The following CDKAL1 variants were observed in gnomAD, a reference collection of about 807,000 sequenced individuals.
CDKAL1 encodes CDKAL1 threonylcarbamoyladenosine tRNA methylthiotransferase, also known as threonylcarbamoyladenosine tRNA methylthiotransferase.
In CDKAL1, 32 loss-of-function variants were observed where a neutral mutation model predicts 68.2. The ratio of observed to expected loss-of-function variants is 0.47; its 90% CI spans 0.35 to 0.63. The LOEUF (loss-of-function observed/expected upper bound fraction) is 0.63. Ranked by LOEUF, CDKAL1 falls within the 30% of genes least tolerant of loss-of-function variation. The pLI is 0.00. For synonymous variants in CDKAL1, 234 were observed against 244.3 expected (o/e 0.96, Z 0.39); for missense variants, 606 against 696.7 (o/e 0.87, Z 1.47).
At chr6:20,573,590 T>C (rs1406757834) in intron 4 of CDKAL1, among the ~76,000 whole-genome samples, 1 of 152,172 alleles carries the variant, frequency 6.6e-6, no homozygotes, top group Non-Finnish European at 1.5e-5. Context: ...TTCTTCTATA[T>C]TTGACAGAAT....
intron 5 of CDKAL1, among the ~76,000 whole-genome samples, chr6:20,692,804 A>C (rs1770927641): frequency 6.6e-6 from 1 of 151,996 alleles, no homozygotes; most frequent in Non-Finnish European, 1.5e-5. Flanking sequence ...CAATGTAGAG[A>C]AAATGAGCAT....
chr6:20,635,129 C>A lies in CDKAL1; in HGVS notation c.287-14164C>A, dbSNP rs544664066. Among the ~76,000 whole-genome samples the A allele has an allele frequency of 6.3e-4, 96 of 152,272 alleles. 2 individuals carry two copies. The highest frequency in any genetic ancestry group is 2.9e-3 in the South Asian group (14 of 4,822). On this transcript the variant is annotated intron_variant, in intron 4 of 15. Coordinates refer to ENST00000274695, the MANE Select transcript of CDKAL1 (RefSeq NM_017774.3). ...TGCTTATTAGGTCTCAAATCCAATT[C>A]TCTGACCCTCTCAGTCCTGTTTTGT... is the stretch of plus-strand genomic sequence containing the variant.
chr6:20,912,321 T>G lies in CDKAL1; in HGVS notation c.743-43098T>G, dbSNP rs560083788. 2.5e-3 allele frequency among the ~76,000 whole-genome samples: 375 copies of G among 152,278 alleles called. 4 individuals carry two copies. The highest frequency in any genetic ancestry group is 3.2e-3 in the Non-Finnish European group (219 of 68,024). On this transcript the variant is annotated intron_variant, in intron 9 of 15. Coordinates refer to ENST00000274695, the MANE Select transcript of CDKAL1 (RefSeq NM_017774.3). ...TGCTTGGGTGGGGAGGTAGCAGGCT[T>G]CCCTGGTCTGCATCCTGGGTTAAGG...
At chr6:20,701,066 G>C (rs1771332195) in intron 5 of CDKAL1, among the ~76,000 whole-genome samples, 1 of 151,946 alleles carries the variant, frequency 6.6e-6, no homozygotes, top group Non-Finnish European at 1.5e-5. Flanking sequence ...ACAAAATTTC[G>C]ATGAGATTTT....
chr6:20,827,733 A>C (rs1777558162), intron 8 of CDKAL1, among the ~76,000 whole-genome samples: 1 of 152,142 alleles, frequency 6.6e-6, no homozygotes, highest in East Asian at 1.9e-4. Flanking sequence ...AAGATAGGTG[A>C]TTTGTCAATG....
chr6:20,669,118 G>A (rs1462454022), intron 5 of CDKAL1, among the ~76,000 whole-genome samples: 2 of 152,060 alleles, frequency 1.3e-5, no homozygotes, highest in African/African-American at 4.8e-5. Context: ...TAAAGTTACT[G>A]TCTTCTTCTT....
intron 5 of CDKAL1, among the ~76,000 whole-genome samples, chr6:20,691,855 T>C (rs1232395335): frequency 2.0e-5 from 3 of 152,226 alleles, no homozygotes; most frequent in Non-Finnish European, 4.4e-5. Flanking sequence ...TTCATTCTTT[T>C]TTATTTCCCA....
intron 9 of CDKAL1, among the ~76,000 whole-genome samples, chr6:20,937,597 G>C (rs1763783632): frequency 6.6e-6 from 1 of 152,234 alleles, no homozygotes; most frequent in Middle Eastern, 3.4e-3. Flanking sequence ...ATCTGGGCCA[G>C]GTCTCCTGTC....
intron 4 of CDKAL1, among the ~76,000 whole-genome samples, chr6:20,611,754 G>A (rs966324037): frequency 4.6e-5 from 7 of 152,098 alleles, no homozygotes; most frequent in Non-Finnish European, 8.8e-5. Flanking sequence ...GAACATGTCA[G>A]GTCCTCTCTT....
At chr6:20,697,830 C>G (rs1430949488) in intron 5 of CDKAL1, among the ~76,000 whole-genome samples, 1 of 152,138 alleles carries the variant, frequency 6.6e-6, no homozygotes, top group Non-Finnish European at 1.5e-5. Flanking sequence ...CACAAAGATG[C>G]CTAGTAATCA....
intron 10 of CDKAL1, among the ~76,000 whole-genome samples, chr6:20,982,713 T>TTAACATTGG (rs1766221046): frequency 6.6e-6 from 1 of 151,370 alleles, no homozygotes; most frequent in African/African-American, 2.4e-5. Flanking sequence ...GGCAAAACCT[T>TTAACATTGG]GCAAAAAAGG....
chr6:20,648,317 AC>A (rs1250901155), intron 4 of CDKAL1, among the ~76,000 whole-genome samples: 1 of 151,780 alleles, frequency 6.6e-6, no homozygotes, highest in Admixed American at 6.6e-5. Context: ...TTTAGTAGAG[AC>A]CGGGTTTCAC....
chr6:20,821,883 A>G (rs1232777299), intron 8 of CDKAL1, among the ~76,000 whole-genome samples: 1 of 152,208 alleles, frequency 6.6e-6, no homozygotes, highest in Non-Finnish European at 1.5e-5. Flanking sequence ...ATGTGCAGTA[A>G]AGGGCTACAT....
At chr6:20,875,062 G>A (rs1440325951) in intron 9 of CDKAL1, among the ~76,000 whole-genome samples, 1 of 151,792 alleles carries the variant, frequency 6.6e-6, no homozygotes, top group African/African-American at 2.4e-5. Flanking sequence ...CACTTTGGGA[G>A]GCCGAGGCGG....
At chr6:21,164,929 A>G (rs1160345667) in intron 13 of CDKAL1, among the ~76,000 whole-genome samples, 2 of 152,240 alleles carry the variant, frequency 1.3e-5, no homozygotes, top group East Asian at 3.8e-4. Context: ...AATCTAATTC[A>G]TCTTCATGGC....
intron 7 of CDKAL1, among the ~76,000 whole-genome samples, chr6:20,767,874 C>T (rs1219381133): frequency 1.3e-5 from 2 of 152,064 alleles, no homozygotes; most frequent in Non-Finnish European, 2.9e-5. Flanking sequence ...ACCAATTTCA[C>T]TTATTAATTT....
chr6:21,115,858 T>C (rs570115830), intron 13 of CDKAL1, among the ~76,000 whole-genome samples: 1 of 152,346 alleles, frequency 6.6e-6, no homozygotes, highest in African/African-American at 2.4e-5. Flanking sequence ...GTGCAAAATC[T>C]GTGCTTTTGT....
At chr6:20,703,274 A>G (rs1581412336) in intron 5 of CDKAL1, among the ~76,000 whole-genome samples, 1 of 152,310 alleles carries the variant, frequency 6.6e-6, no homozygotes, top group Non-Finnish European at 1.5e-5. Flanking sequence ...ATCGGAACAG[A>G]GTTGCTCTAG....
chr6:21,071,037 A>G (rs1163297730), intron 12 of CDKAL1, among the ~76,000 whole-genome samples: 4 of 152,210 alleles, frequency 2.6e-5, no homozygotes, highest in East Asian at 1.9e-4. Flanking sequence ...AAACCCATCT[A>G]TGGGATTTCT....
Sources: gnomAD v4.1 joint callset for allele counts (sites outside exome capture counted in the v4.1 genomes callset) on GRCh38, gnomAD v4.1.1 for gene constraint, MANE v1.5 for transcripts, NCBI Gene and HGNC (gene_info 2026-07-23, HGNC 2026-07-21) for gene names.